PER3: variants seen among roughly 807,000 people sequenced by gnomAD.
PER3 encodes period circadian protein homolog 3.
A neutral mutation model predicts 127.2 loss-of-function variants in PER3; 107 were observed. That is an observed-to-expected ratio of 0.84 (90% CI 0.72 to 0.99). PER3 has a LOEUF of 0.99. PER3 is among the 50% of genes least tolerant of loss of function. The pLI is 0.00. For synonymous variants in PER3, 618 were observed against 585.8 expected (o/e 1.05, Z -0.79); for missense variants, 1,560 against 1,525.8 (o/e 1.02, Z -0.37).
At chr1:7,799,488 C>G (rs1207842559) in intron 7 of PER3, among the ~76,000 whole-genome samples, 3 of 151,714 alleles carry the variant, frequency 2.0e-5, no homozygotes, top group African/African-American at 7.3e-5. Flanking sequence ...CCTGTAATCC[C>G]AGCTACTCAG....
Position 7,844,056 on chromosome 1 carries a change from T to TTGGTTTTTTA in PER3, c.*1312_*1321dup, listed in dbSNP as rs1216402485. The TTGGTTTTTTA allele has an allele frequency of 2.0e-6, 2 of 982,068 alleles. No homozygotes were observed. Among genetic ancestry groups the TTGGTTTTTTA allele is most frequent in the African/African-American group, 3.5e-5 (2 of 56,464 alleles). The allele number at this position is 982,068 out of a possible 1,614,324, so 60.8% of individuals were successfully genotyped here. The stretch of plus-strand genomic sequence containing the variant: ...TTATTTTTTTTTCCTTTTTTTGTTT[T>TTGGTTTTTTA]TGGTTTTTTATGGTTTTTTAAGGAA... On this transcript the variant is annotated 3_prime_UTR_variant, in exon 22 of 22. Coordinates refer to ENST00000377532, the MANE Select transcript of PER3 (RefSeq NM_001377275.1).
chr1:7,832,366 CTTTTT>C (rs33933452), intron 19 of PER3, among the ~76,000 whole-genome samples: 3 of 85,850 alleles, frequency 3.5e-5, no homozygotes, highest in African/African-American at 4.9e-5. Flanking sequence ...GATTTATGCT[CTTTTT>C]TTTTTTTTTT....
intron 8 of PER3, among the ~76,000 whole-genome samples, chr1:7,802,174 C>T (rs2097173420): frequency 6.6e-6 from 1 of 152,148 alleles, no homozygotes; most frequent in Non-Finnish European, 1.5e-5. Flanking sequence ...GTCTTACCAT[C>T]GTAAGTTTCC....
At chr1:7,820,675 CAACTT>C (rs1558447318) in intron 16 of PER3, 35 bp downstream of exon 16, 2 of 1,538,010 alleles carry the variant, frequency 1.3e-6, no homozygotes, top group Admixed American at 1.9e-5. Context: ...AAAATATACT[CAACTT>C]TAACTACATT....
intron 5 of PER3, among the ~76,000 whole-genome samples, chr1:7,792,503 T>C (rs1292630614): frequency 6.6e-6 from 1 of 152,254 alleles, no homozygotes; most frequent in Non-Finnish European, 1.5e-5. Flanking sequence ...AATTCACTTA[T>C]GCCATAAGGC....
chr1:7,834,749 C>T (rs942456414), intron 19 of PER3, among the ~76,000 whole-genome samples: 21 of 152,152 alleles, frequency 1.4e-4, no homozygotes, highest in African/African-American at 5.1e-4. Flanking sequence ...TGAGCCACCA[C>T]GCCCAACCTA....
chr1:7,832,206 G>C (rs189972539), intron 19 of PER3, among the ~76,000 whole-genome samples: 1 of 151,750 alleles, frequency 6.6e-6, no homozygotes, highest in East Asian at 1.9e-4. Flanking sequence ...ATGTCTGTAG[G>C]TTTTATAGTA....
chr1:7,794,460 T>C (rs1448953219), intron 6 of PER3, among the ~76,000 whole-genome samples: 1 of 151,874 alleles, frequency 6.6e-6, no homozygotes, highest in Non-Finnish European at 1.5e-5. Flanking sequence ...GCCATTGCAC[T>C]CCAGCCTGGC....
At chr1:7,808,260 CTAGTA>C (rs2097204617) in intron 10 of PER3, among the ~76,000 whole-genome samples, 1 of 94,112 alleles carries the variant, frequency 1.1e-5, no homozygotes, top group Admixed American at 1.2e-4. Context: ...AAAAAAAAAA[CTAGTA>C]TAGTACAGTG....
chr1:7,793,127 T>C (rs1419281616), intron 5 of PER3, among the ~76,000 whole-genome samples: 1 of 152,240 alleles, frequency 6.6e-6, no homozygotes, highest in Non-Finnish European at 1.5e-5. Context: ...CTTCAGTGTA[T>C]ATTTTTTGAA....
rs371148229 is a variant in PER3 at position 7,819,420 on chromosome 1, G to A, written c.1658G>A (p.Arg553Lys). 34 of 1,613,670 alleles carry A rather than the reference G, an allele frequency of 2.1e-5. No individual in the cohort carries two copies. The highest frequency in any genetic ancestry group is 2.9e-5 in the Non-Finnish European group (34 of 1,179,816). Reference sequence around the variant, plus strand: ...ATCAACTGTATCGACAGTGTCATCAGGTATGAGACCGCAAGTTTGGATACC... The same window carrying A: ...ATCAACTGTATCGACAGTGTCATCAAGTATGAGACCGCAAGTTTGGATACC... ...QQINCIDSVI[R>K]YLKSYNIPAL... The change falls in exon 14 of 22, where the codon AGA (arginine) becomes AAA (lysine). Residue 553 changes from arginine to lysine, a missense_variant and splice_region_variant. This residue lies in a region of PER3 where 1,332 missense variants were observed against 1,223.6 expected (regional missense o/e 1.09). Coordinates refer to ENST00000377532, the MANE Select transcript of PER3 (RefSeq NM_001377275.1).
In PER3 at chr1:7,798,579, C is replaced by T. The variant is rs1577692187; in HGVS notation, c.699C>T (p.Pro233=). The T allele has an allele frequency of 3.1e-6, 5 of 1,612,998 alleles. No individual in the cohort carries two copies. The highest frequency in any genetic ancestry group is 1.7e-6 in the Non-Finnish European group (2 of 1,179,074). ...EKCHSPFRII[P]YLIHVHHPAQ... ...GTCACTCCCCATTCCGGATCATCCC[C>T]TATCTGATTCATGTACATCACCCTG... The change falls in exon 7 of 22, where the codon CCC becomes CCT. Residue 233 remains proline, a synonymous_variant. Transcript: ENST00000377532.
intron 16 of PER3, 92 bp downstream of exon 16, chr1:7,820,732 G>T: frequency 1.0e-6 from 1 of 1,003,268 alleles, no homozygotes; most frequent in Non-Finnish European, 1.4e-6. Context: ...TCGCTCGGTT[G>T]TAACTTCTAA....
Position 7,805,661 on chromosome 1 carries a change from T to G in PER3, c.1136+1813T>G, listed in dbSNP as rs536468415. ...ATACCCCCCAAGTACGGAAACCTAT[T>G]GGGAAATGAACATGAAATCCGATGG... On this transcript the variant is annotated intron_variant, in intron 10 of 21. Coordinates refer to ENST00000377532, the MANE Select transcript of PER3 (RefSeq NM_001377275.1). Among the ~76,000 whole-genome samples the G allele has an allele frequency of 5.9e-5, 9 of 152,252 alleles. 1 individual carries two copies. The highest frequency in any genetic ancestry group is 2.2e-4 in the African/African-American group (9 of 41,550).
At position 7,784,952 on chromosome 1, in the gene PER3, G is replaced by A. The variant is rs775398980; in HGVS notation, c.75G>A (p.Glu25=). 65 of 1,546,026 alleles carry A rather than the reference G, an allele frequency of 4.2e-5. No individual in the cohort carries two copies. The Middle Eastern group carries it at 8.5e-4, about 20-fold the overall frequency. ...KDEALGEESG[E]RWSPEFHLQR... is the part of the protein sequence containing the mutation. ...AGGCCCTGGGCGAAGAATCGGGGGAGCGGTGGAGCCCCGAGTTCCATCTGC... is the reference window on the plus strand; with the variant it reads ...AGGCCCTGGGCGAAGAATCGGGGGAACGGTGGAGCCCCGAGTTCCATCTGC... The change falls in exon 2 of 22, where the codon GAG becomes GAA. Residue 25 remains glutamate (E), a synonymous_variant. Coordinates refer to ENST00000377532, the MANE Select transcript of PER3 (RefSeq NM_001377275.1).
In PER3 at chr1:7,826,714, C is replaced by A; in HGVS notation, c.2188+4C>A. The A allele has an allele frequency of 1.3e-6, 2 of 1,554,294 alleles. No individual in the cohort carries two copies. Among genetic ancestry groups the A allele is most frequent in the East Asian group, 2.2e-5 (1 of 44,522 alleles). The stretch of plus-strand genomic sequence containing the variant: ...GCTAAATATTCATATTTTCAAGGTA[C>A]GTAATTTTTTAAAAATAAATGCCAT... On this transcript the variant is annotated splice_donor_region_variant and intron_variant, in intron 17 of 21. Transcript: ENST00000377532. This position sits in a 1 kb window ranked among gnomAD's most constrained non-coding sequence, Gnocchi z 4.2.
Position 7,788,073 on chromosome 1 carries a change from T to C in PER3, c.419T>C (p.Leu140Pro), listed in dbSNP as rs780654670. The C allele has an allele frequency of 6.2e-7, 1 of 1,613,436 alleles. No homozygotes were observed. Among genetic ancestry groups the C allele is most frequent in the Non-Finnish European group, 8.5e-7 (1 of 1,179,332 alleles). ...ACCTTTGTGGCAGTATTTTCATTTCTGTCTGGAAGGTTAGTGCACATTTCT... is the reference window on the plus strand; with the variant it reads ...ACCTTTGTGGCAGTATTTTCATTTCCGTCTGGAAGGTTAGTGCACATTTCT... ...TDTFVAVFSFLSGRLVHISEQ... is the reference protein window; with the variant it reads ...TDTFVAVFSFPSGRLVHISEQ... Residue 140 changes from leucine (L) to proline (P), a missense_variant, in exon 5 of 22, where the codon CTG becomes CCG. By Grantham distance (98) the Leu-to-Pro change is moderately conservative. Transcript: ENST00000377532.
At chr1:7,828,407 C>T (rs531514758) in intron 18 of PER3, among the ~76,000 whole-genome samples, 2 of 152,282 alleles carry the variant, frequency 1.3e-5, no homozygotes, top group South Asian at 4.1e-4. Context: ...AAAAGCCATT[C>T]TCAGGTTTAT....
intron 4 of PER3, 84 bp from the exon 5 acceptor site, chr1:7,787,961 A>C: frequency 2.1e-6 from 2 of 958,038 alleles, no homozygotes; most frequent in African/African-American, 1.6e-5. Context: ...TGGTCATGTT[A>C]GAGATCCAGA....
Sources: allele counts gnomAD v4.1 joint callset (sites outside exome capture counted in the v4.1 genomes callset), GRCh38; gene constraint gnomAD v4.1.1; regional missense constraint gnomAD v4.1.1; non-coding constraint Gnocchi (gnomAD v3.1); transcripts MANE v1.5; gene names NCBI Gene and HGNC (gene_info 2026-07-23, HGNC 2026-07-21).